The following ATAD3B variants were observed in gnomAD, a reference collection of about 807,000 sequenced individuals.
ATAD3B encodes ATPase family AAA domain-containing protein 3B.
Under a neutral mutation model 70.2 loss-of-function variants are expected in ATAD3B, and 59 were observed. The observed-to-expected ratio is 0.84, with a 90% confidence interval of 0.68 to 1.04. The LOEUF (loss-of-function observed/expected upper bound fraction) is 1.04. Ranked by LOEUF, ATAD3B falls within the 50% of genes least tolerant of loss-of-function variation. The probability of loss-of-function intolerance (pLI) is 0.00; values close to 1 mark genes in which losing one functional copy is unlikely to be tolerated. For synonymous variants in ATAD3B, 423 were observed against 388.6 expected, an observed-to-expected ratio of 1.09 and a Z score of -1.04; for missense variants, 961 against 913.4, an observed-to-expected ratio of 1.05 and a Z score of -0.67.
chr1:1,491,184 TG>T (rs1640523152), intron 15 of ATAD3B, among the ~76,000 whole-genome samples: 1 of 151,894 alleles, frequency 6.6e-6, no homozygotes, highest in Non-Finnish European at 1.5e-5. Flanking sequence ...TGCTGCTCCT[TG>T]GATACTCCAG....
At position 1,485,076 on chromosome 1, in the gene ATAD3B, A is replaced by G. The variant is rs1279646443; in HGVS notation, c.811A>G (p.Thr271Ala). The G allele has an allele frequency of 6.2e-6, 10 of 1,608,026 alleles. No individual in the cohort carries two copies. The highest frequency in any genetic ancestry group is 5.4e-5 in the African/African-American group (4 of 74,694). The stretch of plus-strand genomic sequence containing the variant: ...CTCAGCCAAGAATGCGACAGCCGTC[A>G]CTGGCCGCTTCATCGAGGCTCGGCT... ...VYSAKNATAV[T>A]GRFIEARLGK... is the part of the protein sequence containing the mutation. Residue 271 changes from threonine (T) to alanine (A), a missense_variant, in exon 8 of 16, where the codon ACT becomes GCT. Physicochemically the swap from Thr to Ala is moderately conservative, Grantham distance 58. This residue lies in a region of ATAD3B where 349 missense variants were observed against 307.5 expected (regional missense o/e 1.14). Coordinates refer to ENST00000673477, the MANE Select transcript of ATAD3B (RefSeq NM_031921.6).
At chr1:1,501,798 G>A (rs1640951383), downstream of ATAD3B, among the ~76,000 whole-genome samples, 1 of 152,220 alleles carries the variant, frequency 6.6e-6, no homozygotes, top group South Asian at 2.1e-4. Flanking sequence ...CACTACGGCA[G>A]TCCGTGGGTT....
downstream of ATAD3B, among the ~76,000 whole-genome samples, chr1:1,501,488 T>C (rs868550048): frequency 2.6e-5 from 4 of 152,060 alleles, 1 homozygote; most frequent in South Asian, 8.3e-4. Context: ...ATCTCCTGAC[T>C]TCGTGATCCG....
intron 1 of ATAD3B, among the ~76,000 whole-genome samples, chr1:1,476,646 C>G (rs934805359): frequency 1.7e-4 from 25 of 150,038 alleles, no homozygotes; most frequent in Non-Finnish European, 3.3e-4. Flanking sequence ...GTAGCTAGGA[C>G]TACAAGTGCC....
the ATAD3B span, chr1:1,503,757 A>G: frequency 4.5e-5 from 69 of 1,546,462 alleles, no homozygotes; most frequent in Admixed American, 1.9e-4. Flanking sequence ...GGCTGGTGGC[A>G]TGTACATGGG....
intron 4 of ATAD3B, among the ~76,000 whole-genome samples, chr1:1,479,594 A>ACG: frequency 7.0e-6 from 1 of 142,646 alleles, no homozygotes; most frequent in East Asian, 2.2e-4. Flanking sequence ...CCCTGCACAC[A>ACG]GGCCTGCACA....
chr1:1,490,470 C>T (rs1356564079), intron 14 of ATAD3B, 46 bp downstream of exon 14: 3 of 1,611,712 alleles, frequency 1.9e-6, no homozygotes, highest in South Asian at 2.2e-5. Context: ...CACCATATGG[C>T]ATGGGTGTAG....
chr1:1,508,398 C>T, the ATAD3B span, among the ~76,000 whole-genome samples: 1 of 151,386 alleles, frequency 6.6e-6, no homozygotes, highest in Non-Finnish European at 1.5e-5. Flanking sequence ...TGCCCCTGCA[C>T]CCCGTGAGAT....
intron 1 of ATAD3B, 78 bp from the exon 2 acceptor site, chr1:1,477,196 G>C: frequency 6.4e-7 from 1 of 1,561,116 alleles, no homozygotes; most frequent in Non-Finnish European, 8.7e-7. Flanking sequence ...TTTTAGTAGA[G>C]GTTGGGTTTC....
At chr1:1,501,348 G>A (rs1640942053), downstream of ATAD3B, among the ~76,000 whole-genome samples, 2 of 151,734 alleles carry the variant, frequency 1.3e-5, no homozygotes, top group African/African-American at 4.9e-5. Flanking sequence ...TCTGCCTCCC[G>A]GGTTCACGCC....
intron 15 of ATAD3B, among the ~76,000 whole-genome samples, chr1:1,492,063 G>A (rs1441714296): frequency 6.6e-6 from 1 of 151,998 alleles, no homozygotes; most frequent in East Asian, 1.9e-4. Context: ...GCACATGCCT[G>A]TAATGCCAGC....
intron 1 of ATAD3B, among the ~76,000 whole-genome samples, chr1:1,476,560 G>T (rs1639599987): frequency 2.6e-5 from 4 of 151,620 alleles, no homozygotes; most frequent in African/African-American, 9.7e-5. Context: ...CCCCGCTGGA[G>T]TGCATTGCTT....
chr1:1,486,586 G>C lies in ATAD3B; in HGVS notation c.1132G>C (p.Gly378Arg), dbSNP rs964647958. The change falls in exon 11 of 16, where the codon GGC (glycine) becomes CGC (arginine). Residue 378 changes from glycine to arginine, a missense_variant. Physicochemically the swap from Gly to Arg is moderately radical, Grantham distance 125 (BLOSUM62 -2). This residue lies in a region of ATAD3B where 349 missense variants were observed against 307.5 expected (regional missense o/e 1.14). Transcript: ENST00000673477. ...AGGCATGGACTACGCCATCATGACA[G>C]GCGGGGACGTGGCCCCCATGGGGCG... is the stretch of plus-strand genomic sequence containing the variant. ...HSGMDYAIMT[G>R]GDVAPMGREG... The C allele has an allele frequency of 6.2e-7, 1 of 1,611,726 alleles. No homozygotes were observed. Among genetic ancestry groups the C allele is most frequent in the African/African-American group, 1.4e-5 (1 of 74,000 alleles).
intron 8 of ATAD3B, 138 bp from the exon 9 acceptor site, chr1:1,485,644 G>A (rs1288241634): frequency 2.9e-6 from 4 of 1,391,294 alleles, no homozygotes; most frequent in Non-Finnish European, 3.0e-6. Context: ...GGCGGGGCAG[G>A]GTTCCAGCTC....
rs538701212 is a variant in ATAD3B, at chr1:1,478,324, C to T, written c.283-320C>T. 2.2e-5 allele frequency: 25 copies of T among 1,148,852 alleles called. No homozygotes were observed. In the East Asian group the frequency reaches 2.6e-4, roughly 12 times the overall value. 71.2% of individuals were successfully genotyped at this position (1,148,852 alleles called of 1,614,324 possible). On this transcript the variant is annotated intron_variant, in intron 2 of 15. Coordinates refer to ENST00000673477, the MANE Select transcript of ATAD3B (RefSeq NM_031921.6). ...CTCAGCAGGATTCCTAGAATGGGCA[C>T]GAGCTCTGCCCTCATCACAGTCCAA...
chr1:1,485,961 C>A, intron 9 of ATAD3B, 123 bp downstream of exon 9: 1 of 1,594,724 alleles, frequency 6.3e-7, no homozygotes, highest in Non-Finnish European at 8.6e-7. Flanking sequence ...GATGCAACTG[C>A]TTGGACTGTG....
chr1:1,504,605 A>T, the ATAD3B span, among the ~76,000 whole-genome samples: 1 of 151,888 alleles, frequency 6.6e-6, no homozygotes, highest in East Asian at 1.9e-4. Flanking sequence ...AGCCGAGACC[A>T]CGTCATTGCA....
In ATAD3B at chr1:1,490,323, C is replaced by A; in HGVS notation, c.1404C>A (p.Asp468Glu). Residue 468 changes from aspartate (D) to glutamate (E), a missense_variant, in exon 14 of 16, where the codon GAC becomes GAA. Coordinates refer to ENST00000673477, the MANE Select transcript of ATAD3B (RefSeq NM_031921.6). ...QFDCAINSRI[D>E]VMVHFDLPQQ... ...ACTGTGCCATCAACAGCCGCATTGA[C>A]GTGATGGTCCACTTCGACCTGCCGC... The A allele has an allele frequency of 6.2e-7, 1 of 1,613,256 alleles. No individual in the cohort carries two copies.
intron 15 of ATAD3B, 60 bp downstream of exon 15, chr1:1,490,731 G>T: frequency 6.5e-7 from 1 of 1,535,514 alleles, no homozygotes. Context: ...GAGATGCTCA[G>T]TTGCGCCAGG....
Sources: allele counts gnomAD v4.1 joint callset (sites outside exome capture counted in the v4.1 genomes callset), GRCh38; gene constraint gnomAD v4.1.1; regional missense constraint gnomAD v4.1.1; transcripts MANE v1.5; gene names NCBI Gene and HGNC (gene_info 2026-07-23, HGNC 2026-07-21).